Variants in CACNA2D3 observed in about 807,000 individuals in gnomAD.
The protein encoded by CACNA2D3 is voltage-dependent calcium channel subunit alpha-2/delta-3.
In CACNA2D3, 60 loss-of-function variants were observed where a neutral mutation model predicts 160.6. That is an observed-to-expected ratio of 0.37 (90% confidence interval 0.30 to 0.46). The LOEUF is 0.46. Ranked by LOEUF, CACNA2D3 falls within the 20% of genes least tolerant of loss-of-function variation. The probability of loss-of-function intolerance (pLI) is 1.00; values close to 1 mark genes in which losing one functional copy is unlikely to be tolerated. For missense variants in CACNA2D3, 1,205 were observed against 1,365.0 expected (o/e 0.88, Z 1.85); for synonymous variants, 558 against 492.9 (o/e 1.13, Z -1.75).
intron 2 of CACNA2D3, among the ~76,000 whole-genome samples, chr3:54,319,612 T>A (rs1372849357): frequency 2.6e-5 from 4 of 152,196 alleles, no homozygotes; most frequent in Non-Finnish European, 5.9e-5. Flanking sequence ...CAAAATTAAA[T>A]CTTTAGTTAA....
intron 3 of CACNA2D3, among the ~76,000 whole-genome samples, chr3:54,345,059 A>G (rs1055238031): frequency 1.8e-4 from 28 of 152,256 alleles, no homozygotes; most frequent in African/African-American, 6.5e-4. Context: ...AAGGAGAGGC[A>G]TGAATAATCC....
chr3:54,189,041 C>T (rs1700933223), intron 2 of CACNA2D3, among the ~76,000 whole-genome samples: 1 of 152,194 alleles, frequency 6.6e-6, no homozygotes, highest in African/African-American at 2.4e-5. Context: ...AAGCCTCAGG[C>T]ACAACTCTGC....
chr3:54,629,083 G>C (rs1699180853), intron 10 of CACNA2D3, among the ~76,000 whole-genome samples: 1 of 152,042 alleles, frequency 6.6e-6, no homozygotes, highest in Admixed American at 6.6e-5. Context: ...CTTGAGAGCT[G>C]TGGTTTGCAG....
intron 5 of CACNA2D3, among the ~76,000 whole-genome samples, chr3:54,510,745 T>G (rs1392094998): frequency 6.6e-6 from 1 of 152,128 alleles, no homozygotes; most frequent in Non-Finnish European, 1.5e-5. Flanking sequence ...GGGCCCTCTG[T>G]TTCTTCATCT....
intron 4 of CACNA2D3, among the ~76,000 whole-genome samples, chr3:54,484,708 G>T (rs577363544): frequency 3.3e-5 from 5 of 152,280 alleles, no homozygotes; most frequent in South Asian, 4.1e-4. Context: ...ACTGGAAATG[G>T]TGAAGTTATT....
intron 11 of CACNA2D3, among the ~76,000 whole-genome samples, chr3:54,732,835 T>C (rs1701416704): frequency 6.6e-6 from 1 of 152,200 alleles, no homozygotes; most frequent in Non-Finnish European, 1.5e-5. Flanking sequence ...CTCGAAAAAG[T>C]CAAAAGGTCA....
At chr3:54,142,592 G>GTGA (rs929085038) in intron 2 of CACNA2D3, among the ~76,000 whole-genome samples, 47 of 152,082 alleles carry the variant, frequency 3.1e-4, no homozygotes, top group East Asian at 5.8e-4. Flanking sequence ...CCTGATGATG[G>GTGA]TGATGATGAT....
At chr3:54,994,814 A>G (rs1387520520) in intron 31 of CACNA2D3, among the ~76,000 whole-genome samples, 1 of 152,174 alleles carries the variant, frequency 6.6e-6, no homozygotes, top group African/African-American at 2.4e-5. Flanking sequence ...ACAGAATTTG[A>G]ACTCATGTCT....
At chr3:54,546,581 AG>A (rs1243390403) in intron 5 of CACNA2D3, among the ~76,000 whole-genome samples, 1 of 152,172 alleles carries the variant, frequency 6.6e-6, no homozygotes, top group Non-Finnish European at 1.5e-5. Flanking sequence ...CTGCATGTGA[AG>A]GCTGGCTAAT....
intron 2 of CACNA2D3, among the ~76,000 whole-genome samples, chr3:54,205,855 A>G (rs1389212135): frequency 2.0e-5 from 3 of 152,222 alleles, no homozygotes; most frequent in Non-Finnish European, 4.4e-5. Flanking sequence ...GTTGCCAGAT[A>G]AGATGCAGGA....
chr3:54,603,248 G>A (rs543358472), intron 9 of CACNA2D3, among the ~76,000 whole-genome samples: 10 of 152,286 alleles, frequency 6.6e-5, no homozygotes, highest in Middle Eastern at 3.4e-3. Context: ...AGGAAGAAGC[G>A]CTGCCCCCCA....
At chr3:54,550,105 G>T (rs1575339560) in intron 5 of CACNA2D3, among the ~76,000 whole-genome samples, 1 of 152,212 alleles carries the variant, frequency 6.6e-6, no homozygotes, top group East Asian at 1.9e-4. Flanking sequence ...CAGAGCATAG[G>T]ACAAGGCTTC....
At chr3:54,650,833 A>T (rs528653290) in intron 11 of CACNA2D3, among the ~76,000 whole-genome samples, 1 of 152,300 alleles carries the variant, frequency 6.6e-6, no homozygotes, top group South Asian at 2.1e-4. Context: ...CCAATTTCTT[A>T]TACCCCAATT....
rs1359828237 is a variant in CACNA2D3 at position 54,764,234 on chromosome 3, C to T, written c.1263C>T (p.Ile421=). 1 of 1,613,776 alleles carries T rather than the reference C, an allele frequency of 6.2e-7. No homozygotes were observed. Among genetic ancestry groups the T allele is most frequent in the Non-Finnish European group, 8.5e-7 (1 of 1,179,782 alleles). Residue 421 remains isoleucine (I), a synonymous_variant, in exon 13 of 38, where the codon ATC becomes ATT. Coordinates refer to ENST00000474759, the MANE Select transcript of CACNA2D3 (RefSeq NM_018398.3). ...ACANKGFFTQ[I]STLADVQENV... is the part of the protein sequence containing the mutation. The stretch of plus-strand genomic sequence containing the variant: ...TTTTGACAGGATTTTTTACCCAGAT[C>T]TCCACCTTGGCTGATGTGCAGGAGA...
chr3:54,912,063 G>A (rs1049423045), intron 27 of CACNA2D3, among the ~76,000 whole-genome samples: 9 of 152,114 alleles, frequency 5.9e-5, no homozygotes, highest in South Asian at 4.2e-4. Flanking sequence ...TGCTTTCACC[G>A]TCACTCATGA....
At chr3:54,174,440 G>T (rs1189630602) in intron 2 of CACNA2D3, among the ~76,000 whole-genome samples, 1 of 152,186 alleles carries the variant, frequency 6.6e-6, no homozygotes, top group Non-Finnish European at 1.5e-5. Flanking sequence ...TTTTTAAGTG[G>T]GTTGGGATCT....
chr3:54,761,504 A>G (rs550826547), intron 12 of CACNA2D3, among the ~76,000 whole-genome samples: 184 of 152,292 alleles, frequency 1.2e-3, no homozygotes, highest in African/African-American at 3.9e-3. Context: ...CATGTTCCCT[A>G]TCCTCTGGCA....
intron 14 of CACNA2D3, among the ~76,000 whole-genome samples, chr3:54,822,497 G>A (rs750122646): frequency 3.9e-5 from 6 of 152,190 alleles, no homozygotes; most frequent in Non-Finnish European, 7.3e-5. Flanking sequence ...GGTGAACTTT[G>A]CAAGTGTACC....
At chr3:54,942,341 C>T (rs34304201) in intron 27 of CACNA2D3, among the ~76,000 whole-genome samples, 2 of 152,210 alleles carry the variant, frequency 1.3e-5, no homozygotes, top group Non-Finnish European at 2.9e-5. Context: ...ACCTCTCCCC[C>T]TGAGTTCTGC....
Sources: gnomAD v4.1 joint callset for allele counts (sites outside exome capture counted in the v4.1 genomes callset) on GRCh38, gnomAD v4.1.1 for gene constraint, MANE v1.5 for transcripts, NCBI Gene and HGNC (gene_info 2026-07-23, HGNC 2026-07-21) for gene names.